The following TBC1D31 variants were observed in gnomAD, a reference collection of about 807,000 sequenced individuals.
TBC1D31 encodes WD repeat domain 67.
A neutral mutation model predicts 132.9 loss-of-function variants in TBC1D31; 99 were observed. The ratio of observed to expected loss-of-function variants is 0.74; its 90% CI spans 0.63 to 0.88. The LOEUF is 0.88. TBC1D31 is among the 40% of genes least tolerant of loss of function. TBC1D31 has a pLI of 0.00. For synonymous variants in TBC1D31, 385 were observed against 419.4 expected (o/e 0.92, Z 1.00); for missense variants, 1,134 against 1,256.6 (o/e 0.90, Z 1.48).
chr8:123,114,220 G>A (rs898078347), intron 10 of TBC1D31, among the ~76,000 whole-genome samples: 136 of 152,314 alleles, frequency 8.9e-4, no homozygotes, highest in Non-Finnish European at 3.7e-4. Flanking sequence ...GTAGCCAGGC[G>A]ACAGGCTCAT....
chr8:123,084,066 C>A, intron 3 of TBC1D31, 96 bp from the exon 4 acceptor site: 1 of 1,034,550 alleles, frequency 9.7e-7, no homozygotes, highest in Non-Finnish European at 1.4e-6. Flanking sequence ...AATACCTAAC[C>A]ACCCATTGCA....
At chr8:123,100,602 T>A (rs1045805244) in intron 6 of TBC1D31, among the ~76,000 whole-genome samples, 10 of 150,898 alleles carry the variant, frequency 6.6e-5, no homozygotes, top group African/African-American at 9.7e-5. Context: ...ATAATAATAA[T>A]AAAATAAAAT....
chr8:123,128,130 G>C (rs1820256020), intron 13 of TBC1D31, 151 bp from the exon 14 acceptor site: 1 of 457,694 alleles, frequency 2.2e-6, no homozygotes, highest in Non-Finnish European at 3.8e-6. Context: ...TGTCTTTGTT[G>C]TAAAACTTGA....
At chr8:123,095,035 A>G (rs981153654) in intron 5 of TBC1D31, among the ~76,000 whole-genome samples, 1 of 152,124 alleles carries the variant, frequency 6.6e-6, no homozygotes, top group Non-Finnish European at 1.5e-5. Flanking sequence ...TATTCATTAA[A>G]TAACTGGTCA....
intron 13 of TBC1D31, chr8:123,128,024 G>T: frequency 3.8e-6 from 1 of 265,342 alleles, no homozygotes; most frequent in East Asian, 7.2e-5. Context: ...TTCCATTGTT[G>T]AAGCATTCTT....
chr8:123,082,318 G>A (rs1293028598), intron 2 of TBC1D31, among the ~76,000 whole-genome samples: 1 of 151,720 alleles, frequency 6.6e-6, no homozygotes, highest in African/African-American at 2.4e-5. Flanking sequence ...ACTCCATGTT[G>A]AATCCATACC....
At chr8:123,158,664 G>T in the TBC1D31 span, among the ~76,000 whole-genome samples, 1 of 152,182 alleles carries the variant, frequency 6.6e-6, no homozygotes, top group African/African-American at 2.4e-5. Context: ...ATACGGCGGG[G>T]TGTTAAGGGG....
chr8:123,085,859 G>A (rs1035790208), intron 4 of TBC1D31, among the ~76,000 whole-genome samples: 1 of 152,002 alleles, frequency 6.6e-6, no homozygotes, highest in East Asian at 1.9e-4. Context: ...GAAACATATG[G>A]TATATAGGCC....
At chr8:123,106,309 G>A (rs916098483) in intron 8 of TBC1D31, among the ~76,000 whole-genome samples, 2 of 152,154 alleles carry the variant, frequency 1.3e-5, no homozygotes, top group African/African-American at 4.8e-5. Context: ...CCATCATTCT[G>A]TCTAGCATAG....
intron 5 of TBC1D31, among the ~76,000 whole-genome samples, chr8:123,096,612 G>A (rs1429746819): frequency 1.3e-5 from 2 of 152,224 alleles, no homozygotes; most frequent in Non-Finnish European, 2.9e-5. Context: ...TCCTGTAAGA[G>A]CAGGATTACT....
chr8:123,126,491 T>G lies in TBC1D31; in HGVS notation c.1705-17T>G. 1 of 1,599,816 alleles carries G rather than the reference T, an allele frequency of 6.3e-7. No individual in the cohort carries two copies. The highest frequency in any genetic ancestry group is 1.1e-5 in the South Asian group (1 of 87,726). On this transcript the variant is annotated splice_polypyrimidine_tract_variant and intron_variant, in intron 12 of 21. Transcript: ENST00000287380. ...TTTTCCCTAGAAAAATAATAAATTT[T>G]TCCTTATCTGTTTTAGCTATATGCA...
chr8:123,152,638 C>A (rs1045568974), downstream of TBC1D31, among the ~76,000 whole-genome samples: 5 of 152,000 alleles, frequency 3.3e-5, no homozygotes, highest in South Asian at 4.1e-4. Flanking sequence ...TGGGAGGCTG[C>A]GGTGGGTGGA....
intron 11 of TBC1D31, among the ~76,000 whole-genome samples, chr8:123,125,223 A>G (rs966820148): frequency 6.6e-6 from 1 of 152,258 alleles, no homozygotes; most frequent in Non-Finnish European, 1.5e-5. Flanking sequence ...ATTAAGTTAA[A>G]CATAGTCTTA....
Position 123,107,381 on chromosome 8 carries a change from T to C in TBC1D31, c.1209+1917T>C, listed in dbSNP as rs540297655. Among the ~76,000 whole-genome samples the C allele has an allele frequency of 3.9e-4, 59 of 152,218 alleles. 1 individual carries two copies. The highest frequency in any genetic ancestry group is 3.9e-4 in the Admixed American group (6 of 15,282). On this transcript the variant is annotated intron_variant, in intron 8 of 21. Coordinates refer to ENST00000287380, the MANE Select transcript of TBC1D31 (RefSeq NM_145647.4). The stretch of plus-strand genomic sequence containing the variant: ...ATCACATTTTTCTCCCTACCCCATA[T>C]ATATAACCATTGTCCTCACTTTTGT...
chr8:123,072,840 G>A lies in TBC1D31; in HGVS notation c.71G>A (p.Arg24Gln). The change falls in exon 1 of 22, where the codon CGG becomes CAG. Residue 24 changes from arginine (R) to glutamine (Q), a missense_variant. Coordinates refer to ENST00000287380, the MANE Select transcript of TBC1D31 (RefSeq NM_145647.4). ...CACCGCAAGCCGTCCCCGGCCACGC[G>A]GGACGGGTAAAGGCCGTGGCGGGAG... ...IWHRKPSPAT[R>Q]DGIIVNIIHN... The A allele has an allele frequency of 1.3e-6, 2 of 1,566,466 alleles. No individual in the cohort carries two copies. The highest frequency in any genetic ancestry group is 2.4e-5 in the East Asian group (1 of 42,222).
Position 123,128,412 on chromosome 8 carries a change from G to A in TBC1D31, c.2016G>A (p.Gly672=), listed in dbSNP as rs1820292024. Residue 672 remains glycine (G), a synonymous_variant, in exon 14 of 22, where the codon GGG becomes GGA. Transcript: ENST00000287380. ...MLNVFVALTK[G]QYPVFNQYPK... is the part of the protein sequence containing the mutation. ...ATGTTTTTGTTGCACTGACAAAAGG[G>A]CAGTATCCAGTATTTAATCAATATC... 1 of 1,613,272 alleles carries A rather than the reference G, an allele frequency of 6.2e-7. No individual in the cohort carries two copies. Among genetic ancestry groups the A allele is most frequent in the African/African-American group, 1.3e-5 (1 of 74,868 alleles).
At chr8:123,104,868 C>G (rs1032465617) in intron 7 of TBC1D31, among the ~76,000 whole-genome samples, 8 of 152,146 alleles carry the variant, frequency 5.3e-5, no homozygotes, top group African/African-American at 1.9e-4. Context: ...GCAGTTTCCT[C>G]TTAGAAATTT....
At chr8:123,141,195 G>A (rs772131152) in intron 18 of TBC1D31, among the ~76,000 whole-genome samples, 1 of 152,164 alleles carries the variant, frequency 6.6e-6, no homozygotes, top group Non-Finnish European at 1.5e-5. Flanking sequence ...CGAAGGAATA[G>A]TGACTTAAAA....
the TBC1D31 span, among the ~76,000 whole-genome samples, chr8:123,157,712 C>T: frequency 9.4e-6 from 1 of 106,310 alleles, no homozygotes; most frequent in Non-Finnish European, 1.9e-5. Flanking sequence ...CACACGGGCG[C>T]GCGCGCGCAC....
Sources: allele counts gnomAD v4.1 joint callset (sites outside exome capture counted in the v4.1 genomes callset), GRCh38; gene constraint gnomAD v4.1.1; transcripts MANE v1.5; gene names NCBI Gene and HGNC (gene_info 2026-07-23, HGNC 2026-07-21).